Variants in UBQLN4 observed in about 807,000 individuals in gnomAD.
UBQLN4 encodes ubiquilin 4.
In UBQLN4, 11 loss-of-function variants were observed where a neutral mutation model predicts 60.4. That is an observed-to-expected ratio of 0.18 (90% CI 0.11 to 0.30). The LOEUF (loss-of-function observed/expected upper bound fraction) is 0.30. UBQLN4 is among the 10% of genes least tolerant of loss of function. The probability of loss-of-function intolerance (pLI) is 1.00; values close to 1 mark genes in which losing one functional copy is unlikely to be tolerated. For synonymous variants in UBQLN4, 258 were observed against 313.1 expected (o/e 0.82, Z 1.86); for missense variants, 417 against 795.5 (o/e 0.52, Z 5.72).
chr1:156,037,064 G>A lies in UBQLN4; in HGVS notation c.1720C>T (p.Arg574Cys), dbSNP rs769863790. 3 of 1,614,194 alleles carry A rather than the reference G, an allele frequency of 1.9e-6. No individual in the cohort carries two copies. Among genetic ancestry groups the A allele is most frequent in the Admixed American group, 1.7e-5 (1 of 60,024 alleles). Reference protein sequence around the residue: ...EQLNSMGFINREANLQALIAT... With the variant: ...EQLNSMGFINCEANLQALIAT... The stretch of plus-strand genomic sequence containing the variant: ...ATCAGGGCCTGCAGGTTAGCCTCAC[G>A]ATTGATGAAGCCCATGGAGTTGAGC... Residue 574 changes from arginine (R) to cysteine (C), a missense_variant, in exon 11 of 11, where the codon CGT becomes TGT. Coordinates refer to ENST00000368309, the MANE Select transcript of UBQLN4 (RefSeq NM_020131.5).
At chr1:156,033,845 G>GA (rs1225457553), downstream of UBQLN4, among the ~76,000 whole-genome samples, 79 of 117,052 alleles carry the variant, frequency 6.7e-4, no homozygotes, top group Middle Eastern at 4.3e-3. Context: ...ACTCCATCTT[G>GA]AAAAAAAAAA....
chr1:156,043,537 A>T (rs1683621835), intron 6 of UBQLN4, among the ~76,000 whole-genome samples: 1 of 152,216 alleles, frequency 6.6e-6, no homozygotes, highest in Admixed American at 6.5e-5. Flanking sequence ...TGCTGAAGAC[A>T]TCCCCCAGGC....
At chr1:156,053,506 C>T in intron 1 of UBQLN4, 88 bp downstream of exon 1, 1 of 1,053,272 alleles carries the variant, frequency 9.5e-7, no homozygotes, top group Non-Finnish European at 1.2e-6. Context: ...CTCCGGGGCC[C>T]TCCGGGACGC....
At position 156,043,083 on chromosome 1, in the gene UBQLN4, C is replaced by T. The variant is rs575279243; in HGVS notation, c.1127-170G>A. 4.6e-5 allele frequency among the ~76,000 whole-genome samples: 7 copies of T among 152,320 alleles called. No individual in the cohort carries two copies. In the South Asian group the frequency reaches 1.0e-3, roughly 23 times the overall value. ...GCATGAGTCCAAGTCTCTCCCAAGT[C>T]CAAGGTCATCTTGCCCTGCTTTGGC... On this transcript the variant is annotated intron_variant, in intron 6 of 10. Coordinates refer to ENST00000368309, the MANE Select transcript of UBQLN4 (RefSeq NM_020131.5).
In UBQLN4 at chr1:156,051,686, T is replaced by G; in HGVS notation, c.260+20A>C. ...GGGAGGCCCAATCAGAAGCTGGATC[T>G]GCTCTGCTCCTGAACTTACTTCTGA... On this transcript the variant is annotated intron_variant, in intron 2 of 10. Coordinates refer to ENST00000368309, the MANE Select transcript of UBQLN4 (RefSeq NM_020131.5). The G allele has an allele frequency of 6.2e-7, 1 of 1,612,200 alleles. No homozygotes were observed. Among genetic ancestry groups the G allele is most frequent in the Non-Finnish European group, 8.5e-7 (1 of 1,179,658 alleles).
At position 156,036,186 on chromosome 1, in the gene UBQLN4, G is replaced by A; in HGVS notation, c.*792C>T. ...TGCCAGCTCGGGCCTGGATTCTTCTGCCTAAAAGAGCTATGAGTGCTTCTG... is the reference window on the plus strand; with the variant it reads ...TGCCAGCTCGGGCCTGGATTCTTCTACCTAAAAGAGCTATGAGTGCTTCTG... On this transcript the variant is annotated 3_prime_UTR_variant, in exon 11 of 11. Transcript: ENST00000368309. 3 of 985,594 alleles carry A rather than the reference G, an allele frequency of 3.0e-6. No individual in the cohort carries two copies. The highest frequency in any genetic ancestry group is 3.6e-6 in the Non-Finnish European group (3 of 829,956). The allele number at this position is 985,594 out of a possible 1,614,324, so 61.1% of individuals were successfully genotyped here.
chr1:156,032,738 C>T (rs148400112), downstream of UBQLN4, among the ~76,000 whole-genome samples: 3 of 152,268 alleles, frequency 2.0e-5, no homozygotes, highest in East Asian at 3.9e-4. Flanking sequence ...CACTTCGCCT[C>T]TCCGCCAACG....
rs761974905 is a variant in UBQLN4 at position 156,050,511 on chromosome 1, C to T, written c.521G>A (p.Gly174Asp). 20 of 1,613,726 alleles carry T rather than the reference C, an allele frequency of 1.2e-5. No homozygotes were observed. The highest frequency in any genetic ancestry group is 1.5e-5 in the Non-Finnish European group (18 of 1,179,914). ...CTGCAGCTCCATGAAGTTGGCAGAG[C>T]CCAGGCCTAGGCTGCCCAGCCCCAG... ...GILGLGSLGL[G>D]SANFMELQQQ... is the part of the protein sequence containing the mutation. Residue 174 changes from glycine to aspartate, a missense_variant, in exon 4 of 11, where the codon GGC becomes GAC. Coordinates refer to ENST00000368309, the MANE Select transcript of UBQLN4 (RefSeq NM_020131.5). The surrounding 1 kb of genome is among the most constrained non-coding windows in gnomAD (Gnocchi z 4.6).
chr1:156,044,277 G>A (rs1162264862), intron 5 of UBQLN4, 54 bp from the exon 6 acceptor site: 16 of 1,482,848 alleles, frequency 1.1e-5, no homozygotes, highest in Non-Finnish European at 1.5e-5. Context: ...AGGGACAAGG[G>A]CTAGGCCCAT....
At chr1:156,041,167 T>C (rs981139451) in intron 10 of UBQLN4, among the ~76,000 whole-genome samples, 3 of 152,190 alleles carry the variant, frequency 2.0e-5, no homozygotes, top group Non-Finnish European at 4.4e-5. Context: ...TCCCCATCTT[T>C]AACACAGAAA....
chr1:156,041,289 C>T (rs2102742920), intron 10 of UBQLN4, among the ~76,000 whole-genome samples, 196 bp downstream of exon 10: 1 of 152,244 alleles, frequency 6.6e-6, no homozygotes, highest in Non-Finnish European at 1.5e-5. Flanking sequence ...GGGTAAGTAC[C>T]ATTACTCTTC....
chr1:156,043,797 T>G (rs1683629276), intron 6 of UBQLN4, among the ~76,000 whole-genome samples: 1 of 152,124 alleles, frequency 6.6e-6, no homozygotes, highest in Non-Finnish European at 1.5e-5. Flanking sequence ...GAGCTATTAC[T>G]TAGGTCACTC....
Position 156,048,550 on chromosome 1 carries a change from C to A in UBQLN4, c.851G>T (p.Arg284Leu). 1 of 1,613,322 alleles carries A rather than the reference C, an allele frequency of 6.2e-7. No individual in the cohort carries two copies. Among genetic ancestry groups the A allele is most frequent in the Non-Finnish European group, 8.5e-7 (1 of 1,179,362 alleles). ...GGGCTCCTGGATGTCCGTGTACATG[C>A]GGCGGAGGGCATTATACCCTCCAGG... Reference protein sequence around the residue: ...SIPGGYNALRRMYTDIQEPMF... With the variant: ...SIPGGYNALRLMYTDIQEPMF... Residue 284 changes from arginine (R) to leucine (L), a missense_variant, in exon 5 of 11, where the codon CGC (arginine) becomes CTC (leucine). Arg to Leu is a moderately radical substitution (Grantham distance 102). Transcript: ENST00000368309. The surrounding 1 kb of genome is among the most constrained non-coding windows in gnomAD (Gnocchi z 4.9).
At chr1:156,033,573 C>T (rs901320658), downstream of UBQLN4, among the ~76,000 whole-genome samples, 11 of 151,984 alleles carry the variant, frequency 7.2e-5, no homozygotes, top group Non-Finnish European at 1.6e-4. Flanking sequence ...CTGGGCGCGA[C>T]GGCTCACGCC....
Position 156,050,215 on chromosome 1 carries a change from G to A in UBQLN4, c.741+76C>T. 2 of 1,498,400 alleles carry A rather than the reference G, an allele frequency of 1.3e-6. No homozygotes were observed. The highest frequency in any genetic ancestry group is 4.7e-5 in the East Asian group (2 of 42,834). The allele number at this position is 1,498,400 out of a possible 1,614,324, so 92.8% of individuals were successfully genotyped here. ...ATACACGAATGAACAAATCAATGTA[G>A]GACAAAGTAGGAAAGGCTGGGCAGG... On this transcript the variant is annotated intron_variant, in intron 4 of 10. Transcript: ENST00000368309. The surrounding 1 kb of genome is among the most constrained non-coding windows in gnomAD (Gnocchi z 4.6).
intron 6 of UBQLN4, among the ~76,000 whole-genome samples, chr1:156,043,442 T>C (rs1446780062): frequency 6.6e-6 from 1 of 151,988 alleles, no homozygotes. Flanking sequence ...AGTCCTTACT[T>C]TACAAATAAG....
chr1:156,042,115 T>C, intron 8 of UBQLN4, 38 bp downstream of exon 8: 1 of 1,607,400 alleles, frequency 6.2e-7, no homozygotes, highest in Non-Finnish European at 8.5e-7. Context: ...GGACTACCCC[T>C]TGCCCTCAAC....
At chr1:156,037,935 C>T (rs1683449169) in intron 10 of UBQLN4, among the ~76,000 whole-genome samples, 1 of 151,820 alleles carries the variant, frequency 6.6e-6, no homozygotes, top group African/African-American at 2.4e-5. Context: ...TTTTTTGAGA[C>T]AGGGTCTTGC....
chr1:156,040,480 C>G (rs1246414984), intron 10 of UBQLN4, among the ~76,000 whole-genome samples: 1 of 138,076 alleles, frequency 7.2e-6, no homozygotes, highest in Non-Finnish European at 1.5e-5. Flanking sequence ...GAGTCTCGCT[C>G]TGTCACCCAG....
Sources: gnomAD v4.1 joint callset for allele counts (sites outside exome capture counted in the v4.1 genomes callset) on GRCh38, gnomAD v4.1.1 for gene constraint, Gnocchi (gnomAD v3.1) non-coding constraint, MANE v1.5 for transcripts, NCBI Gene and HGNC (gene_info 2026-07-23, HGNC 2026-07-21) for gene names.